DNAJC11: variants seen among roughly 807,000 people sequenced by gnomAD.
DNAJC11 encodes the protein DnaJ heat shock protein family (Hsp40) member C11, also known as dnaJ homolog subfamily C member 11.
In DNAJC11, 15 loss-of-function variants were observed where a neutral mutation model predicts 78.6. The ratio of observed to expected loss-of-function variants is 0.19; its 90% CI spans 0.13 to 0.29. The LOEUF is 0.29. Among genes scored for constraint, DNAJC11 ranks in the 10% least tolerant of loss-of-function variants. DNAJC11 has a pLI of 1.00. For missense variants in DNAJC11, 547 were observed against 709.6 expected, an observed-to-expected ratio of 0.77 and a Z score of 2.60; for synonymous variants, 292 against 272.1, an observed-to-expected ratio of 1.07 and a Z score of -0.72.
At chr1:6,642,347 G>A (rs1641890676) in intron 10 of DNAJC11, among the ~76,000 whole-genome samples, 6 of 152,238 alleles carry the variant, frequency 3.9e-5, no homozygotes, top group Admixed American at 3.9e-4. Context: ...TCCGTGGGGA[G>A]GGTGCTGTGT....
chr1:6,701,732 C>A lies in DNAJC11; in HGVS notation c.69G>T (p.Arg23Ser). 1 of 1,559,080 alleles carries A rather than the reference C, an allele frequency of 6.4e-7. No homozygotes were observed. The highest frequency in any genetic ancestry group is 8.7e-7 in the Non-Finnish European group (1 of 1,155,884). Residue 23 changes from arginine to serine, a missense_variant, in exon 1 of 16, where the codon AGG becomes AGT. Physicochemically the swap from Arg to Ser is moderately radical, Grantham distance 110. Coordinates refer to ENST00000377577, the MANE Select transcript of DNAJC11 (RefSeq NM_018198.4). ...AGCGTCCAGCCGCTGGCCTCACCTC[C>A]CTGCGCACGTTCAGCAACGAGTAAT... ...EDYYSLLNVR[R>S]EASSEELKAA...
rs1282790287 is a variant in DNAJC11, at chr1:6,653,392, T to C, written c.508-441A>G. 1.3e-5 allele frequency among the ~76,000 whole-genome samples: 2 copies of C among 152,124 alleles called. No individual in the cohort carries two copies. The highest frequency in any genetic ancestry group is 2.9e-5 in the Non-Finnish European group (2 of 68,022). ...GTTAGGACTCCACGTTGTTGGCTGA[T>C]GCAATGGAGAATAAATTAATGAGCT... On this transcript the variant is annotated intron_variant, in intron 5 of 15. Transcript: ENST00000377577. This position sits in a 1 kb window ranked among gnomAD's most constrained non-coding sequence, Gnocchi z 4.5.
rs768676006 is a variant in DNAJC11 at position 6,645,769 on chromosome 1, A to G, written c.894+20T>C. Reference sequence around the variant, plus strand: ...CCTCCCAGAGCTCTGTCTGCAGGAGATGATGGCTGCTCGGCTCACCTGCAG... The same window carrying G: ...CCTCCCAGAGCTCTGTCTGCAGGAGGTGATGGCTGCTCGGCTCACCTGCAG... On this transcript the variant is annotated intron_variant, in intron 8 of 15. Transcript: ENST00000377577. The surrounding 1 kb of genome is among the most constrained non-coding windows in gnomAD (Gnocchi z 4.1). 2 of 1,611,688 alleles carry G rather than the reference A, an allele frequency of 1.2e-6. No individual in the cohort carries two copies. Among genetic ancestry groups the G allele is most frequent in the Admixed American group, 3.3e-5 (2 of 59,956 alleles).
intron 4 of DNAJC11, among the ~76,000 whole-genome samples, chr1:6,656,886 A>T (rs1488199038): frequency 6.6e-6 from 1 of 152,130 alleles, no homozygotes; most frequent in Non-Finnish European, 1.5e-5. Context: ...ACTGCACTCT[A>T]GCCTGGGTGA....
Position 6,635,411 on chromosome 1 carries a change from C to A in DNAJC11, c.*264G>T. 2.2e-6 allele frequency: 1 copy of A among 453,660 alleles called. No homozygotes were observed. Among genetic ancestry groups the A allele is most frequent in the Non-Finnish European group, 4.0e-6 (1 of 253,070 alleles). 28.1% of individuals were successfully genotyped at this position (453,660 alleles called of 1,614,324 possible). ...ACACAGCGGAGTCAGGGCCAGAGCCCTTCCCTCCAGGAACTGATCCTTGGG... is the reference window on the plus strand; with the variant it reads ...ACACAGCGGAGTCAGGGCCAGAGCCATTCCCTCCAGGAACTGATCCTTGGG... On this transcript the variant is annotated 3_prime_UTR_variant, in exon 16 of 16. Coordinates refer to ENST00000377577, the MANE Select transcript of DNAJC11 (RefSeq NM_018198.4).
At chr1:6,646,608 T>C (rs1187004503) in intron 7 of DNAJC11, among the ~76,000 whole-genome samples, 1 of 152,178 alleles carries the variant, frequency 6.6e-6, no homozygotes, top group Non-Finnish European at 1.5e-5. Flanking sequence ...AGCTGGGTAC[T>C]AGTGACAGAA....
At position 6,634,322 on chromosome 1, in the gene DNAJC11, G is replaced by T; in HGVS notation, c.*1353C>A. ...CAACACGACGCTCACCGCGGCTCGG[G>T]CCGTGGGGCCGTCAGAGAAACCTTT... On this transcript the variant is annotated 3_prime_UTR_variant, in exon 16 of 16. Coordinates refer to ENST00000377577, the MANE Select transcript of DNAJC11 (RefSeq NM_018198.4). 9.8e-7 allele frequency: 1 copy of T among 1,016,238 alleles called. No individual in the cohort carries two copies. Among genetic ancestry groups the T allele is most frequent in the East Asian group, 2.8e-5 (1 of 36,134 alleles). 63.0% of individuals were successfully genotyped at this position (1,016,238 alleles called of 1,614,324 possible).
intron 1 of DNAJC11, among the ~76,000 whole-genome samples, chr1:6,698,078 C>T (rs1382989220): frequency 2.6e-5 from 4 of 152,284 alleles, no homozygotes; most frequent in South Asian, 2.1e-4. Context: ...GCTTGAGCCA[C>T]GCGCCCAGCC....
intron 2 of DNAJC11, among the ~76,000 whole-genome samples, chr1:6,679,654 T>TC (rs1273002222): frequency 1.3e-5 from 2 of 152,218 alleles, no homozygotes; most frequent in African/African-American, 4.8e-5. Flanking sequence ...AAACTTGTGT[T>TC]CCTCTCCAGC....
Position 6,641,664 on chromosome 1 carries a change from G to A in DNAJC11, c.1098-1607C>T, listed in dbSNP as rs191008369. ...TTCCTGTCTTGGCCTCCCAAAGTGT[G>A]CGCGCCACTGTACTGAGCCTTCAAA... On this transcript the variant is annotated intron_variant, in intron 10 of 15. Transcript: ENST00000377577. 1.5e-3 allele frequency among the ~76,000 whole-genome samples: 226 copies of A among 151,982 alleles called. 1 individual carries two copies. Among genetic ancestry groups the A allele is most frequent in the African/African-American group, 4.3e-3 (179 of 41,444 alleles).
At chr1:6,641,434 A>ACAC (rs1641876400) in intron 10 of DNAJC11, among the ~76,000 whole-genome samples, 4 of 137,316 alleles carry the variant, frequency 2.9e-5, no homozygotes, top group South Asian at 2.3e-4. Flanking sequence ...CACACACACA[A>ACAC]ACAGAGACAG....
Position 6,645,732 on chromosome 1 carries a change from GGGA to G in DNAJC11, c.894+54_894+56del. ...GATTTAAGGGGAGCACTGAGTGCTT[GGGA>G]GGAGGGGTCCTCCCAGAGCTCTGTC... is the stretch of plus-strand genomic sequence containing the variant. On this transcript the variant is annotated intron_variant, in intron 8 of 15. Coordinates refer to ENST00000377577, the MANE Select transcript of DNAJC11 (RefSeq NM_018198.4). The surrounding 1 kb of genome is among the most constrained non-coding windows in gnomAD (Gnocchi z 4.1). 2 of 1,583,374 alleles carry G rather than the reference GGGA, an allele frequency of 1.3e-6. No individual in the cohort carries two copies. The highest frequency in any genetic ancestry group is 1.7e-6 in the Non-Finnish European group (2 of 1,156,986).
chr1:6,634,223 A>G lies in DNAJC11; in HGVS notation c.*1452T>C. ...GTGCCTTCTGTACAGTCGACTGCAA[A>G]TGAAACGCAGAGGATGGGTGCCCAG... is the stretch of plus-strand genomic sequence containing the variant. On this transcript the variant is annotated 3_prime_UTR_variant, in exon 16 of 16. Coordinates refer to ENST00000377577, the MANE Select transcript of DNAJC11 (RefSeq NM_018198.4). 1.1e-6 allele frequency: 1 copy of G among 942,264 alleles called. No homozygotes were observed. The highest frequency in any genetic ancestry group is 1.6e-6 in the Non-Finnish European group (1 of 628,270). 58.4% of individuals were successfully genotyped at this position (942,264 alleles called of 1,614,324 possible). A position where few individuals can be genotyped will look rare whatever the true frequency, so the allele number is the denominator to read the frequency against.
chr1:6,687,480 T>C (rs1029174454), intron 1 of DNAJC11, among the ~76,000 whole-genome samples: 1 of 151,602 alleles, frequency 6.6e-6, no homozygotes, highest in Non-Finnish European at 1.5e-5. Flanking sequence ...CCTCAGCCTC[T>C]TGAGTAGTTG....
At chr1:6,692,668 T>C (rs1227835894) in intron 1 of DNAJC11, among the ~76,000 whole-genome samples, 2 of 145,382 alleles carry the variant, frequency 1.4e-5, no homozygotes, top group Non-Finnish European at 3.0e-5. Flanking sequence ...TGGAGTGCAA[T>C]GGCACGATCT....
At chr1:6,673,292 C>CA (rs1642410166) in intron 3 of DNAJC11, among the ~76,000 whole-genome samples, 1 of 146,664 alleles carries the variant, frequency 6.8e-6, no homozygotes. Flanking sequence ...ATCTCTACAA[C>CA]AAAAAAACAA....
At position 6,653,962 on chromosome 1, in the gene DNAJC11, A is replaced by G. The variant is rs1273292370; in HGVS notation, c.456T>C (p.Ser152=). 3.7e-6 allele frequency: 6 copies of G among 1,613,456 alleles called. No homozygotes were observed. The highest frequency in any genetic ancestry group is 5.1e-6 in the Non-Finnish European group (6 of 1,179,628). Residue 152 remains serine (S), a synonymous_variant, in exon 5 of 16, where the codon AGT becomes AGC. Transcript: ENST00000377577. This position sits in a 1 kb window ranked among gnomAD's most constrained non-coding sequence, Gnocchi z 4.5. ...TATTAATTTCAATCTGCGGAAAGCT[A>G]CTGCCGGACACATCTTCATACTCCT... ...YDEEYEDVSG[S]SFPQIEINKM... is the part of the protein sequence containing the mutation.
At position 6,634,313 on chromosome 1, in the gene DNAJC11, G is replaced by A. The variant is rs1054373260; in HGVS notation, c.*1362C>T. ...AGGCTCATGCAACACGACGCTCACCGCGGCTCGGGCCGTGGGGCCGTCAGA... is the reference window on the plus strand; with the variant it reads ...AGGCTCATGCAACACGACGCTCACCACGGCTCGGGCCGTGGGGCCGTCAGA... On this transcript the variant is annotated 3_prime_UTR_variant, in exon 16 of 16. Coordinates refer to ENST00000377577, the MANE Select transcript of DNAJC11 (RefSeq NM_018198.4). 6.2e-5 allele frequency: 61 copies of A among 980,018 alleles called. No individual in the cohort carries two copies. Among genetic ancestry groups the A allele is most frequent in the South Asian group, 3.4e-5 (2 of 58,078 alleles). The allele number at this position is 980,018 out of a possible 1,614,324, so 60.7% of individuals were successfully genotyped here.
At chr1:6,641,034 C>T (rs949666539) in intron 10 of DNAJC11, among the ~76,000 whole-genome samples, 2 of 152,106 alleles carry the variant, frequency 1.3e-5, no homozygotes, top group Non-Finnish European at 2.9e-5. Context: ...TACCTGATCA[C>T]ACTCTTCCAG....
Sources: allele counts gnomAD v4.1 joint callset (sites outside exome capture counted in the v4.1 genomes callset), GRCh38; gene constraint gnomAD v4.1.1; non-coding constraint Gnocchi (gnomAD v3.1); transcripts MANE v1.5; gene names NCBI Gene and HGNC (gene_info 2026-07-23, HGNC 2026-07-21).